The following GALNT16 variants were observed in gnomAD, a reference collection of about 807,000 sequenced individuals.
GALNT16 encodes the protein polypeptide N-acetylgalactosaminyltransferase 16.
A neutral mutation model predicts 76.1 loss-of-function variants in GALNT16; 40 were observed. That is an observed-to-expected ratio of 0.53 (90% CI 0.41 to 0.68). The LOEUF (loss-of-function observed/expected upper bound fraction) is 0.68. GALNT16 is among the 30% of genes least tolerant of loss of function. The pLI is 0.00. For missense variants in GALNT16, 621 were observed against 731.9 expected, an observed-to-expected ratio of 0.85 and a Z score of 1.75; for synonymous variants, 276 against 285.2, an observed-to-expected ratio of 0.97 and a Z score of 0.32.
rs548534743 is a variant in GALNT16, at chr14:69,314,556, G to A, written c.178-6155G>A. ...CAACCTGCAGCACCTTGTCTGGTTG[G>A]ATGAGACCACTGGCAGCCCAGTGGG... On this transcript the variant is annotated intron_variant, in intron 1 of 14. Coordinates refer to ENST00000448469, the MANE Select transcript of GALNT16 (RefSeq NM_001168368.2). Among the ~76,000 whole-genome samples the A allele has an allele frequency of 1.4e-4, 21 of 152,364 alleles. No homozygotes were observed. In the South Asian group the frequency reaches 4.1e-3, roughly 30 times the overall value.
rs2045457122 is a variant in GALNT16 at position 69,339,507 on chromosome 14, G to C, written c.1095-20G>C. 6.7e-7 allele frequency: 1 copy of C among 1,495,624 alleles called. No homozygotes were observed. Among genetic ancestry groups the C allele is most frequent in the African/African-American group, 1.4e-5 (1 of 72,550 alleles). The allele number at this position is 1,495,624 out of a possible 1,614,324, so 92.6% of individuals were successfully genotyped here. A position where few individuals can be genotyped will look rare whatever the true frequency, so the allele number is the denominator to read the frequency against. ...GTTGCTTCCCTGGTGACCTTATTTT[G>C]CTCTTTCCTCTCCTTTTAGGAATAC... On this transcript the variant is annotated intron_variant, in intron 10 of 14. Coordinates refer to ENST00000448469, the MANE Select transcript of GALNT16 (RefSeq NM_001168368.2).
At position 69,304,722 on chromosome 14, in the gene GALNT16, A is replaced by G. The variant is rs556578284; in HGVS notation, c.178-15989A>G. Among the ~76,000 whole-genome samples, 81 of 152,288 alleles carry G rather than the reference A, an allele frequency of 5.3e-4. 2 individuals carry two copies. In the South Asian group the frequency reaches 0.013, roughly 24 times the overall value. Reference sequence around the variant, plus strand: ...CTTTAAATAAGTGGAATCATGCAGTATTTGTCTTTCTGGGACTGGCTTATT... The same window carrying G: ...CTTTAAATAAGTGGAATCATGCAGTGTTTGTCTTTCTGGGACTGGCTTATT... On this transcript the variant is annotated intron_variant, in intron 1 of 14. Transcript: ENST00000448469.
chr14:69,338,576 A>G, intron 9 of GALNT16, 75 bp from the exon 10 acceptor site: 1 of 1,580,142 alleles, frequency 6.3e-7, no homozygotes, highest in Non-Finnish European at 8.6e-7. Context: ...ACCAAAGGGA[A>G]GGGAAGCCAG....
At chr14:69,375,349 A>G in the GALNT16 span, among the ~76,000 whole-genome samples, 1 of 152,238 alleles carries the variant, frequency 6.6e-6, no homozygotes, top group African/African-American at 2.4e-5. Flanking sequence ...CCAGTCTGAC[A>G]ATCCGAGTCT....
At chr14:69,295,768 C>T (rs1362566581) in intron 1 of GALNT16, among the ~76,000 whole-genome samples, 8 of 147,306 alleles carry the variant, frequency 5.4e-5, no homozygotes, top group African/African-American at 7.6e-5. Context: ...GTTCTTTCAT[C>T]GAAACCACTC....
downstream of GALNT16, chr14:69,356,552 CTCT>C (rs999412616): frequency 2.5e-5 from 2 of 81,078 alleles, no homozygotes; most frequent in African/African-American, 1.4e-4. Context: ...CAGCTGTGAG[CTCT>C]TTTTTTTTTT....
chr14:69,347,576 C>T (rs966843773), intron 13 of GALNT16, among the ~76,000 whole-genome samples: 2 of 152,182 alleles, frequency 1.3e-5, no homozygotes, highest in Non-Finnish European at 1.5e-5. Flanking sequence ...CTCTCAGCTG[C>T]CTTGGTTCCA....
At chr14:69,285,755 GC>G (rs1392018295) in intron 1 of GALNT16, among the ~76,000 whole-genome samples, 4 of 152,122 alleles carry the variant, frequency 2.6e-5, no homozygotes, top group Non-Finnish European at 5.9e-5. Flanking sequence ...AGGAAGCTGA[GC>G]CCCCCTCTCC....
intron 1 of GALNT16, among the ~76,000 whole-genome samples, chr14:69,273,903 T>G (rs1220584741): frequency 6.6e-6 from 1 of 152,204 alleles, no homozygotes; most frequent in African/African-American, 2.4e-5. Context: ...TCTTTCCTCT[T>G]CTTTGCTTAA....
chr14:69,288,013 A>C (rs2044637081), intron 1 of GALNT16, among the ~76,000 whole-genome samples: 1 of 152,202 alleles, frequency 6.6e-6, no homozygotes, highest in South Asian at 2.1e-4. Flanking sequence ...AAGAGCCAAA[A>C]GTGTTTCTTG....
intron 5 of GALNT16, among the ~76,000 whole-genome samples, chr14:69,326,310 A>G (rs2045284097): frequency 6.6e-6 from 1 of 152,262 alleles, no homozygotes. Context: ...TAAGGATTGC[A>G]TGAGACAGGC....
chr14:69,273,458 G>A (rs1193606766), intron 1 of GALNT16, among the ~76,000 whole-genome samples: 1 of 152,228 alleles, frequency 6.6e-6, no homozygotes, highest in African/African-American at 2.4e-5. Flanking sequence ...CGGGAAAGAG[G>A]CTATGATCGA....
chr14:69,343,719 G>A (rs1462141711), intron 12 of GALNT16, among the ~76,000 whole-genome samples: 1 of 152,190 alleles, frequency 6.6e-6, no homozygotes, highest in Non-Finnish European at 1.5e-5. Context: ...CAGGAGCTGG[G>A]CAGCCTGTGG....
In GALNT16 at chr14:69,325,322, C is replaced by G; in HGVS notation, c.435-15C>G. ...CTAAATCCAGGCTCTTTCTCTGTTT[C>G]CACTGCTACTGTAGTGTCCTGAACC... On this transcript the variant is annotated splice_polypyrimidine_tract_variant and intron_variant, in intron 3 of 14. Coordinates refer to ENST00000448469, the MANE Select transcript of GALNT16 (RefSeq NM_001168368.2). 1 of 1,542,718 alleles carries G rather than the reference C, an allele frequency of 6.5e-7. No homozygotes were observed. The highest frequency in any genetic ancestry group is 9.0e-7 in the Non-Finnish European group (1 of 1,114,638).
At chr14:69,380,534 A>T in the GALNT16 span, 1 of 1,448,104 alleles carries the variant, frequency 6.9e-7, no homozygotes, top group Non-Finnish European at 9.7e-7. Context: ...TGCTTCCAAC[A>T]CAATTATTTC....
chr14:69,360,497 C>T (rs2045717706), downstream of GALNT16, among the ~76,000 whole-genome samples: 1 of 150,708 alleles, frequency 6.6e-6, no homozygotes. Flanking sequence ...GCATGATGCC[C>T]AGTGCCTGTA....
the GALNT16 span, among the ~76,000 whole-genome samples, chr14:69,385,011 C>T: frequency 6.6e-6 from 1 of 152,156 alleles, no homozygotes; most frequent in Non-Finnish European, 1.5e-5. Context: ...TCACCACTTC[C>T]TAACACTCTA....
the GALNT16 span, among the ~76,000 whole-genome samples, chr14:69,362,981 A>G: frequency 3.3e-5 from 5 of 152,226 alleles, no homozygotes; most frequent in African/African-American, 1.2e-4. Context: ...CCTTGTGAAG[A>G]AAGCAAAGTG....
chr14:69,376,780 C>A, the GALNT16 span, among the ~76,000 whole-genome samples: 1 of 152,184 alleles, frequency 6.6e-6, no homozygotes, highest in East Asian at 1.9e-4. Context: ...TAAATTACAC[C>A]TAGACTGGGA....
Sources: gnomAD v4.1 joint callset for allele counts (sites outside exome capture counted in the v4.1 genomes callset) on GRCh38, gnomAD v4.1.1 for gene constraint, MANE v1.5 for transcripts, NCBI Gene and HGNC (gene_info 2026-07-23, HGNC 2026-07-21) for gene names.